Variants in ROCK1 observed in about 807,000 individuals in gnomAD.
The protein encoded by ROCK1 is rho-associated protein kinase 1.
ROCK1 carries 36 observed loss-of-function variants against 196.8 expected under a neutral mutation model. The ratio of observed to expected loss-of-function variants is 0.18; its 90% CI spans 0.14 to 0.24. The LOEUF is 0.24. ROCK1 is among the 10% of genes least tolerant of loss of function. The probability of loss-of-function intolerance (pLI) is 1.00; values close to 1 mark genes in which losing one functional copy is unlikely to be tolerated. For synonymous variants in ROCK1, 443 were observed against 515.9 expected, an observed-to-expected ratio of 0.86 and a Z score of 1.91; for missense variants, 920 against 1,562.0, an observed-to-expected ratio of 0.59 and a Z score of 6.93.
chr18:20,980,002 T>C lies in ROCK1; in HGVS notation c.2562A>G (p.Thr854=). The part of the protein sequence containing the change: ...DQLEAEQYFS[T]LYKTQVKELK... ...GTTCCTTTACCTGGGTTTTATAAAGTGTCTGCAAAACAAGTGACAAGGAGA... is the reference window on the plus strand; with the variant it reads ...GTTCCTTTACCTGGGTTTTATAAAGCGTCTGCAAAACAAGTGACAAGGAGA... The change falls in exon 22 of 33, where the codon ACA becomes ACG. Residue 854 remains threonine, a splice_region_variant and synonymous_variant. Transcript: ENST00000399799. 1 of 1,548,496 alleles carries C rather than the reference T, an allele frequency of 6.5e-7. No homozygotes were observed. Among genetic ancestry groups the C allele is most frequent in the Non-Finnish European group, 8.7e-7 (1 of 1,147,434 alleles).
At chr18:20,979,405 T>C (rs2035509496) in intron 22 of ROCK1, among the ~76,000 whole-genome samples, 1 of 152,096 alleles carries the variant, frequency 6.6e-6, no homozygotes, top group African/African-American at 2.4e-5. Context: ...GGACGGAATA[T>C]GAGGTCAGGA....
intron 22 of ROCK1, among the ~76,000 whole-genome samples, chr18:20,976,835 TCTCTC>T (rs1274994616): frequency 3.9e-5 from 6 of 151,936 alleles, no homozygotes; most frequent in Admixed American, 3.3e-4. Context: ...AAAATAATCT[TCTCTC>T]CTCTCATCTC....
intron 1 of ROCK1, among the ~76,000 whole-genome samples, chr18:21,086,041 T>A (rs917224645): frequency 6.6e-6 from 1 of 152,152 alleles, no homozygotes; most frequent in Admixed American, 6.5e-5. Flanking sequence ...CTTTTAAGTA[T>A]CTAATTTGTT....
chr18:21,098,353 T>C (rs73963110), intron 1 of ROCK1, among the ~76,000 whole-genome samples: 1,672 of 152,256 alleles, frequency 0.011, 35 homozygotes, highest in African/African-American at 0.038. Flanking sequence ...ATAAATGCTG[T>C]GGAGATAAAC....
intron 20 of ROCK1, 99 bp downstream of exon 20, chr18:20,984,252 C>G (rs2035558333): frequency 2.2e-6 from 2 of 902,280 alleles, no homozygotes; most frequent in South Asian, 3.5e-5. Context: ...CTTTCACAAA[C>G]TCTAAGTACA....
chr18:21,058,072 A>C (rs2036259164), intron 2 of ROCK1, among the ~76,000 whole-genome samples: 1 of 152,184 alleles, frequency 6.6e-6, no homozygotes, highest in African/African-American at 2.4e-5. Context: ...AAGAAATAGA[A>C]CAAACTGTAT....
intron 16 of ROCK1, among the ~76,000 whole-genome samples, chr18:20,997,971 G>A (rs2035687308): frequency 6.6e-6 from 1 of 151,822 alleles, no homozygotes; most frequent in South Asian, 2.1e-4. Context: ...TAACTAGCTG[G>A]GACTACAGGT....
At chr18:21,042,477 T>G (rs1268204724) in intron 7 of ROCK1, 88 bp downstream of exon 7, 4 of 1,330,948 alleles carry the variant, frequency 3.0e-6, no homozygotes, top group Non-Finnish European at 4.1e-6. Context: ...CAAGATTGCT[T>G]AATATAATAA....
intron 2 of ROCK1, among the ~76,000 whole-genome samples, chr18:21,063,426 T>C (rs1356578475): frequency 1.3e-5 from 2 of 152,170 alleles, no homozygotes; most frequent in Non-Finnish European, 2.9e-5. Context: ...AAAGGATGAC[T>C]GCTTTGAGTT....
Position 21,006,497 on chromosome 18 carries a change from G to C in ROCK1, c.1739C>G (p.Ser580Cys). 6.2e-7 allele frequency: 1 copy of C among 1,613,730 alleles called. No individual in the cohort carries two copies. Among genetic ancestry groups the C allele is most frequent in the East Asian group, 2.2e-5 (1 of 44,832 alleles). Reference sequence around the variant, plus strand: ...TCTCTCTTGCAACTCTCTGTTCAGGGACTCTAACTGACTAATTGACTTGCT... The same window carrying C: ...TCTCTCTTGCAACTCTCTGTTCAGGCACTCTAACTGACTAATTGACTTGCT... ...EMSKSISQLE[S>C]LNRELQERNR... The change falls in exon 16 of 33, where the codon TCC becomes TGC. Residue 580 changes from serine (S) to cysteine (C), a missense_variant. Coordinates refer to ENST00000399799, the MANE Select transcript of ROCK1 (RefSeq NM_005406.3).
chr18:21,023,761 C>A, intron 10 of ROCK1, 81 bp from the exon 11 acceptor site: 1 of 658,072 alleles, frequency 1.5e-6, no homozygotes, highest in Non-Finnish European at 2.6e-6. Context: ...AAATACTACA[C>A]GCCTATTTTA....
At chr18:20,984,589 C>A in intron 19 of ROCK1, 54 bp from the exon 20 acceptor site, 1 of 1,369,106 alleles carries the variant, frequency 7.3e-7, no homozygotes, top group Non-Finnish European at 1.0e-6. Flanking sequence ...ATTTATTAGA[C>A]ATTATTTGAA....
At chr18:21,033,854 T>TAAAAATAAAAAAAAAAAAAA (rs2036031842) in intron 9 of ROCK1, among the ~76,000 whole-genome samples, 1 of 33,466 alleles carries the variant, frequency 3.0e-5, no homozygotes. Context: ...CCGTTTCTAC[T>TAAAAATAAAAAAAAAAAAAA]AAAAAAAAAA....
At chr18:20,980,908 T>C (rs1379116412) in intron 21 of ROCK1, among the ~76,000 whole-genome samples, 1 of 133,268 alleles carries the variant, frequency 7.5e-6, no homozygotes, top group Non-Finnish European at 1.6e-5. Context: ...AGAGTGAGAT[T>C]CCATCTCAAA....
rs1159406966 is a variant in ROCK1, at chr18:20,950,209, A to G, written c.*1175T>C. On this transcript the variant is annotated 3_prime_UTR_variant, in exon 33 of 33. Coordinates refer to ENST00000399799, the MANE Select transcript of ROCK1 (RefSeq NM_005406.3). ...TGGAAAACATCATGGATGTATTGCC[A>G]TATTTCCTTTTTATGTTGGTGCAAC... The G allele has an allele frequency of 1.3e-5, 2 of 152,554 alleles. No homozygotes were observed. The highest frequency in any genetic ancestry group is 1.3e-4 in the Admixed American group (2 of 15,276). The allele number at this position is 152,554 out of a possible 1,614,324, so 9.5% of individuals were successfully genotyped here.
chr18:21,035,366 C>T (rs2036047918), intron 9 of ROCK1, among the ~76,000 whole-genome samples: 1 of 152,054 alleles, frequency 6.6e-6, no homozygotes, highest in South Asian at 2.1e-4. Context: ...TTCCTCAAAA[C>T]ATTAAACATA....
intron 16 of ROCK1, among the ~76,000 whole-genome samples, chr18:20,995,037 T>A (rs2035658889): frequency 6.6e-6 from 1 of 152,060 alleles, no homozygotes; most frequent in Admixed American, 6.6e-5. Context: ...CTGGACTACA[T>A]CAAATACAAG....
intron 1 of ROCK1, among the ~76,000 whole-genome samples, chr18:21,082,253 C>T (rs7243774): frequency 0.16 from 23,982 of 151,994 alleles, 3,823 homozygotes; most frequent in African/African-American, 0.4. Context: ...CTCTACCAAA[C>T]GTTTAAAGAA....
At chr18:21,003,989 T>C (rs1198605281) in intron 16 of ROCK1, among the ~76,000 whole-genome samples, 1 of 152,176 alleles carries the variant, frequency 6.6e-6, no homozygotes, top group Non-Finnish European at 1.5e-5. Flanking sequence ...GAATCAGAGA[T>C]AAACTTACTA....
Sources: allele counts gnomAD v4.1 joint callset (sites outside exome capture counted in the v4.1 genomes callset), GRCh38; gene constraint gnomAD v4.1.1; transcripts MANE v1.5; gene names NCBI Gene and HGNC (gene_info 2026-07-23, HGNC 2026-07-21).